Variants in SIN3B observed in about 807,000 individuals in gnomAD.
SIN3B encodes SIN3 transcription regulator family member B, also known as paired amphipathic helix protein Sin3b.
SIN3B carries 19 observed loss-of-function variants against 120.2 expected under a neutral mutation model. That is an observed-to-expected ratio of 0.16 (90% CI 0.11 to 0.23). The LOEUF is 0.23. Ranked by LOEUF, SIN3B falls within the 10% of genes least tolerant of loss-of-function variation. SIN3B has a pLI of 1.00. For synonymous variants in SIN3B, 654 were observed against 653.2 expected (o/e 1.00, Z -0.02); for missense variants, 1,073 against 1,573.0 (o/e 0.68, Z 5.38).
chr19:16,851,526 C>T lies in SIN3B; in HGVS notation c.841C>T (p.Pro281Ser), dbSNP rs781358567. Residue 281 changes from proline (P) to serine (S), a missense_variant, in exon 6 of 19, where the codon CCC (proline) becomes TCC (serine). Physicochemically the swap from Pro to Ser is moderately conservative, Grantham distance 74. Coordinates refer to ENST00000248054, the MANE Select transcript of SIN3B (RefSeq NM_001297595.2). ...CTCGCTCCTCCGCCCCGTGTCTGCA[C>T]CCGCCAAGGTACCTGTGAGCCACAT... ...RPSLLRPVSA[P>S]AKKKMKLRGT... The T allele has an allele frequency of 1.6e-5, 26 of 1,599,196 alleles. No homozygotes were observed. In the African/African-American group the frequency reaches 3.1e-4, roughly 19 times the overall value.
intron 2 of SIN3B, among the ~76,000 whole-genome samples, chr19:16,830,599 G>C (rs2608743): frequency 0.55 from 83,105 of 151,956 alleles, 22,857 homozygotes; most frequent in Middle Eastern, 0.62. Context: ...GAAGTCACAT[G>C]CTTACCATAC....
In SIN3B at chr19:16,878,175, G is replaced by A. The variant is rs1422007043; in HGVS notation, c.2955-8G>A. The A allele has an allele frequency of 7.7e-6, 12 of 1,553,530 alleles. No homozygotes were observed. In the South Asian group the frequency reaches 1.1e-4, roughly 14 times the overall value. ...GCCAGAGTCCATTCCACCTCCTTTCGCCCCCAGGAACCTCAAGAAGTTCCG... is the reference window on the plus strand; with the variant it reads ...GCCAGAGTCCATTCCACCTCCTTTCACCCCCAGGAACCTCAAGAAGTTCCG... On this transcript the variant is annotated splice_polypyrimidine_tract_variant and splice_region_variant and intron_variant, in intron 17 of 18. Coordinates refer to ENST00000248054, the MANE Select transcript of SIN3B (RefSeq NM_001297595.2).
rs372429487 is a variant in SIN3B at position 16,876,208 on chromosome 19, G to T, written c.2746G>T (p.Ala916Ser). 176 of 1,611,732 alleles carry T rather than the reference G, an allele frequency of 1.1e-4. No homozygotes were observed. Among genetic ancestry groups the T allele is most frequent in the Non-Finnish European group, 1.4e-4 (169 of 1,178,930 alleles). Residue 916 changes from alanine to serine, a missense_variant, in exon 15 of 19, where the codon GCC (alanine) becomes TCC (serine). Transcript: ENST00000248054. This position sits in a 1 kb window ranked among gnomAD's most constrained non-coding sequence, Gnocchi z 7.1. ...SYQWKAERCM[A>S]DENCFKVMFL... ...CCAGTGGAAGGCTGAGCGCTGCATGGCCGACGAGAACTGCTTCAAGGTGAG... is the reference window on the plus strand; with the variant it reads ...CCAGTGGAAGGCTGAGCGCTGCATGTCCGACGAGAACTGCTTCAAGGTGAG...
At chr19:16,830,806 A>G (rs1025302911) in intron 2 of SIN3B, among the ~76,000 whole-genome samples, 2 of 152,238 alleles carry the variant, frequency 1.3e-5, no homozygotes, top group African/African-American at 4.8e-5. Flanking sequence ...AACCTGTGTC[A>G]TAGTCATCTC....
At chr19:16,857,515 A>AAATGTGTGTGTGTG (rs1491555514) in intron 8 of SIN3B, among the ~76,000 whole-genome samples, 1 of 62,162 alleles carries the variant, frequency 1.6e-5, no homozygotes, top group Non-Finnish European at 3.5e-5. Flanking sequence ...CTTAAAAAAA[A>AAATGTGTGTGTGTG]TATGTGTGTG....
chr19:16,841,962 G>C lies in SIN3B; in HGVS notation c.576G>C (p.Thr192=), dbSNP rs373254965. ...IYRSFLEILH[T]YQKEQLNTRG... ...GGTCATTCCTGGAGATCCTGCACACGTACCAGGTAAGAACTCAGATTACAA... is the reference window on the plus strand; with the variant it reads ...GGTCATTCCTGGAGATCCTGCACACCTACCAGGTAAGAACTCAGATTACAA... The change falls in exon 4 of 19, where the codon ACG becomes ACC. Residue 192 remains threonine (T), a synonymous_variant. Coordinates refer to ENST00000248054, the MANE Select transcript of SIN3B (RefSeq NM_001297595.2). The C allele has an allele frequency of 6.2e-7, 1 of 1,612,984 alleles. No individual in the cohort carries two copies. The highest frequency in any genetic ancestry group is 8.5e-7 in the Non-Finnish European group (1 of 1,179,146).
chr19:16,855,136 C>T (rs918363593), intron 8 of SIN3B: 4 of 152,180 alleles, frequency 2.6e-5, no homozygotes, highest in African/African-American at 7.2e-5. Context: ...TCCTCATACA[C>T]GTCTGGTGTG....
intron 3 of SIN3B, among the ~76,000 whole-genome samples, chr19:16,841,186 G>C (rs2144582841): frequency 6.6e-6 from 1 of 152,244 alleles, no homozygotes; most frequent in African/African-American, 2.4e-5. Flanking sequence ...CATTCTTGGT[G>C]GGTGTTCAGG....
chr19:16,845,801 A>G (rs1971471166), intron 4 of SIN3B, among the ~76,000 whole-genome samples: 1 of 152,200 alleles, frequency 6.6e-6, no homozygotes, highest in African/African-American at 2.4e-5. Flanking sequence ...AGCTCACTGC[A>G]GCCTTGAGCT....
intron 4 of SIN3B, among the ~76,000 whole-genome samples, chr19:16,845,998 C>G (rs563182737): frequency 6.6e-6 from 1 of 152,196 alleles, no homozygotes; most frequent in South Asian, 2.1e-4. Context: ...GTCTTGAACT[C>G]TTGGACTGAA....
chr19:16,832,370 G>A (rs527244400), intron 3 of SIN3B, among the ~76,000 whole-genome samples: 9 of 151,350 alleles, frequency 5.9e-5, no homozygotes, highest in Admixed American at 3.3e-4. Flanking sequence ...GCTAATTTTT[G>A]TATTTTTAGT....
intron 5 of SIN3B, 98 bp from the exon 6 acceptor site, chr19:16,851,314 C>G: frequency 1.4e-6 from 2 of 1,430,004 alleles, no homozygotes; most frequent in Non-Finnish European, 1.9e-6. Flanking sequence ...CACCATTGCC[C>G]ACCGGGCTGT....
At chr19:16,870,106 G>A (rs556872213) in intron 13 of SIN3B, 31 bp downstream of exon 13, 79 of 1,530,692 alleles carry the variant, frequency 5.2e-5, no homozygotes, top group East Asian at 4.1e-4. Context: ...GGGAGGCCCC[G>A]GGGGGTGCCT....
At chr19:16,856,440 C>T (rs1971615628) in intron 8 of SIN3B, among the ~76,000 whole-genome samples, 1 of 152,138 alleles carries the variant, frequency 6.6e-6, no homozygotes, top group Non-Finnish European at 1.5e-5. Context: ...GCGCTACCTG[C>T]AGGGCCCTTC....
intron 8 of SIN3B, among the ~76,000 whole-genome samples, chr19:16,859,867 A>G (rs115455361): frequency 1.8e-3 from 279 of 152,260 alleles, no homozygotes; most frequent in African/African-American, 6.4e-3. Context: ...ACCTGGGTCC[A>G]GCGGGCACGT....
chr19:16,829,777 C>A lies in SIN3B; in HGVS notation c.121-14C>A, dbSNP rs1971255985. 10 of 1,602,706 alleles carry A rather than the reference C, an allele frequency of 6.2e-6. No individual in the cohort carries two copies. The highest frequency in any genetic ancestry group is 1.3e-5 in the African/African-American group (1 of 74,718). On this transcript the variant is annotated splice_polypyrimidine_tract_variant and intron_variant, in intron 1 of 18. Transcript: ENST00000248054. ...CGCGGCCAGGGCCCACCGGGACCCTCCCCCTCTCTGCAGGTAGAAGACGCC... is the reference window on the plus strand; with the variant it reads ...CGCGGCCAGGGCCCACCGGGACCCTACCCCTCTCTGCAGGTAGAAGACGCC...
intron 5 of SIN3B, among the ~76,000 whole-genome samples, chr19:16,850,725 C>A (rs182391244): frequency 6.6e-6 from 1 of 152,194 alleles, no homozygotes; most frequent in African/African-American, 2.4e-5. Context: ...TGTCCATCGT[C>A]CCCTGCCTGT....
chr19:16,858,586 G>A (rs747763145), intron 8 of SIN3B, among the ~76,000 whole-genome samples: 4 of 152,102 alleles, frequency 2.6e-5, no homozygotes, highest in Admixed American at 2.0e-4. Context: ...GAGGGGCCAG[G>A]CGTGGTGGCT....
chr19:16,841,232 T>C (rs1199030557), intron 3 of SIN3B, among the ~76,000 whole-genome samples: 3 of 152,134 alleles, frequency 2.0e-5, no homozygotes, highest in African/African-American at 7.2e-5. Context: ...ATGCACCTTA[T>C]TGCGATTGGC....
Sources: gnomAD v4.1 joint callset for allele counts (sites outside exome capture counted in the v4.1 genomes callset) on GRCh38, gnomAD v4.1.1 for gene constraint, Gnocchi (gnomAD v3.1) non-coding constraint, MANE v1.5 for transcripts, NCBI Gene and HGNC (gene_info 2026-07-23, HGNC 2026-07-21) for gene names.